METTL13: variants seen among roughly 807,000 people sequenced by gnomAD.
The protein encoded by METTL13 is eEF1A lysine and N-terminal methyltransferase.
METTL13 carries 52 observed loss-of-function variants against 67.4 expected under a neutral mutation model. That is an observed-to-expected ratio of 0.77 (90% CI 0.62 to 0.97). The LOEUF (loss-of-function observed/expected upper bound fraction) is 0.97, where lower values mean the gene tolerates loss of function less well. Among genes scored for constraint, METTL13 ranks in the 50% least tolerant of loss-of-function variants. The probability of loss-of-function intolerance (pLI) is 0.00; values close to 1 mark genes in which losing one functional copy is unlikely to be tolerated. For synonymous variants in METTL13, 354 were observed against 353.6 expected (o/e 1.00, Z -0.01); for missense variants, 825 against 889.6 (o/e 0.93, Z 0.92).
At position 171,786,122 on chromosome 1, in the gene METTL13, G is replaced by C. The variant is rs1254223275; in HGVS notation, c.1113+44G>C. The C allele has an allele frequency of 4.5e-6, 7 of 1,568,950 alleles. No homozygotes were observed. In the Admixed American group the frequency reaches 1.2e-4, roughly 28 times the overall value. ...GGCTTTCATGGGTCTCTGAAGTCAT[G>C]TTAGCAGCCAGGGAGGCAGAGGGAG... On this transcript the variant is annotated intron_variant, in intron 3 of 7. Transcript: ENST00000361735.
intron 4 of METTL13, among the ~76,000 whole-genome samples, chr1:171,790,229 C>T (rs1489410089): frequency 1.3e-5 from 2 of 152,168 alleles, no homozygotes; most frequent in African/African-American, 2.4e-5. Context: ...ATGGTGGCTC[C>T]GACATTGGGG....
In METTL13 at chr1:171,786,036, A is replaced by T; in HGVS notation, c.1071A>T (p.Arg357Ser). The T allele has an allele frequency of 6.2e-7, 1 of 1,613,942 alleles. No individual in the cohort carries two copies. The highest frequency in any genetic ancestry group is 8.5e-7 in the Non-Finnish European group (1 of 1,179,954). Reference protein sequence around the residue: ...MDHIQAELSARVMELAPAGMP... With the variant: ...MDHIQAELSASVMELAPAGMP... The stretch of plus-strand genomic sequence containing the variant: ...ACATCCAAGCTGAGCTGTCGGCTAG[A>T]GTCATGGAGCTGGCCCCAGCTGGGA... Residue 357 changes from arginine (R) to serine (S), a missense_variant, in exon 3 of 8, where the codon AGA becomes AGT. By Grantham distance (110) the Arg-to-Ser change is moderately radical. Transcript: ENST00000361735.
At chr1:171,793,227 A>G (rs1397329881) in intron 6 of METTL13, among the ~76,000 whole-genome samples, 3 of 152,222 alleles carry the variant, frequency 2.0e-5, no homozygotes, top group Non-Finnish European at 4.4e-5. Context: ...CTTAATTTTA[A>G]TTGCAAACTG....
rs1656983778 is a variant in METTL13 at position 171,785,661 on chromosome 1, A to G, written c.914-218A>G. Among the ~76,000 whole-genome samples, 5 of 152,120 alleles carry G rather than the reference A, an allele frequency of 3.3e-5. No homozygotes were observed. In the South Asian group the frequency reaches 8.3e-4, roughly 25 times the overall value. On this transcript the variant is annotated intron_variant, in intron 2 of 7. Transcript: ENST00000361735. ...AGGTGTCTGCCTCCTTCCCCTACGG[A>G]CATGCCCACACTTCTTCTCCACCCT...
rs760034235 is a variant in METTL13 at position 171,785,864 on chromosome 1, A to G, written c.914-15A>G. On this transcript the variant is annotated splice_polypyrimidine_tract_variant and intron_variant, in intron 2 of 7. Transcript: ENST00000361735. Reference sequence around the variant, plus strand: ...CACTTTCCAGGACTCCCTGTAACCAAGTTCTTTTTTCTAGTCCCTCAGGGC... The same window carrying G: ...CACTTTCCAGGACTCCCTGTAACCAGGTTCTTTTTTCTAGTCCCTCAGGGC... The G allele has an allele frequency of 6.2e-7, 1 of 1,611,170 alleles. No homozygotes were observed. Among genetic ancestry groups the G allele is most frequent in the African/African-American group, 1.3e-5 (1 of 74,830 alleles).
Position 171,796,518 on chromosome 1 carries a change from G to T in METTL13, c.1862G>T (p.Gly621Val). The change falls in exon 8 of 8, where the codon GGG becomes GTG. Residue 621 changes from glycine (G) to valine (V), a missense_variant. Coordinates refer to ENST00000361735, the MANE Select transcript of METTL13 (RefSeq NM_015935.5). The stretch of plus-strand genomic sequence containing the variant: ...CTCAACCTTGTGTGCCGAGACTTGG[G>T]GCTAAAAGACTCAGTGCTGGCTGGG... The part of the protein sequence containing the change: ...FILNLVCRDL[G>V]LKDSVLAGLK... 1 of 1,614,172 alleles carries T rather than the reference G, an allele frequency of 6.2e-7. No homozygotes were observed. The highest frequency in any genetic ancestry group is 8.5e-7 in the Non-Finnish European group (1 of 1,180,034).
At chr1:171,784,522 C>T in intron 2 of METTL13, 23 bp downstream of exon 2, 1 of 1,486,856 alleles carries the variant, frequency 6.7e-7, no homozygotes, top group Non-Finnish European at 8.9e-7. Context: ...TGCTCCCTCT[C>T]TTCCCTGGAG....
In METTL13 at chr1:171,796,726, A is replaced by G. The variant is rs1325505879; in HGVS notation, c.2070A>G (p.Ser690=). The G allele has an allele frequency of 6.2e-7, 1 of 1,614,190 alleles. No individual in the cohort carries two copies. Among genetic ancestry groups the G allele is most frequent in the Admixed American group, 1.7e-5 (1 of 60,034 alleles). ...GTTGGGATGACACGTATGTCTTGTC[A>G]GATATGCTCAAGACGGTGAAAATTG... The part of the protein sequence containing the change: ...GRGWDDTYVL[S]DMLKTVKIV Residue 690 remains serine, a synonymous_variant, in exon 8 of 8, where the codon TCA becomes TCG. Coordinates refer to ENST00000361735, the MANE Select transcript of METTL13 (RefSeq NM_015935.5).
In METTL13 at chr1:171,796,844, T is replaced by C; in HGVS notation, c.*88T>C. The C allele has an allele frequency of 7.4e-6, 11 of 1,495,840 alleles. No homozygotes were observed. The highest frequency in any genetic ancestry group is 9.9e-6 in the Non-Finnish European group (11 of 1,116,332). 92.7% of individuals were successfully genotyped at this position (1,495,840 alleles called of 1,614,324 possible). The stretch of plus-strand genomic sequence containing the variant: ...GAAGAAATACAACGCACAGTACTTT[T>C]GAAGCTTCGTATTTTTCTTGGTTTC... On this transcript the variant is annotated 3_prime_UTR_variant, in exon 8 of 8. Coordinates refer to ENST00000361735, the MANE Select transcript of METTL13 (RefSeq NM_015935.5).
At chr1:171,792,270 G>T (rs374797595) in intron 6 of METTL13, 35 bp downstream of exon 6, 1 of 1,610,068 alleles carries the variant, frequency 6.2e-7, no homozygotes, top group Non-Finnish European at 8.5e-7. Flanking sequence ...GGGTGTTGAG[G>T]GATGATTGAT....
At chr1:171,786,751 C>T (rs1173624261) in intron 3 of METTL13, among the ~76,000 whole-genome samples, 1 of 152,112 alleles carries the variant, frequency 6.6e-6, no homozygotes, top group East Asian at 1.9e-4. Flanking sequence ...GCCTCAGCCT[C>T]AACCTCCTGG....
chr1:171,793,815 T>C (rs1657280867), intron 6 of METTL13, among the ~76,000 whole-genome samples: 1 of 152,244 alleles, frequency 6.6e-6, no homozygotes, highest in Non-Finnish European at 1.5e-5. Flanking sequence ...TTTTCTCCTA[T>C]GAGGCAAAAT....
Position 171,796,979 on chromosome 1 carries a change from T to G in METTL13, c.*223T>G. On this transcript the variant is annotated 3_prime_UTR_variant, in exon 8 of 8. Coordinates refer to ENST00000361735, the MANE Select transcript of METTL13 (RefSeq NM_015935.5). ...TCAGTACCACTTGGGTTGGTTTGTC[T>G]TTGCTTCCTACACCACGTCCTTGAG... The G allele has an allele frequency of 1.8e-6, 1 of 554,356 alleles. No homozygotes were observed. Among genetic ancestry groups the G allele is most frequent in the East Asian group, 3.3e-5 (1 of 29,896 alleles). The allele number at this position is 554,356 out of a possible 1,614,324, so 34.3% of individuals were successfully genotyped here. A position where few individuals can be genotyped will look rare whatever the true frequency, so the allele number is the denominator to read the frequency against.
rs1657387797 is a variant in METTL13 at position 171,796,641 on chromosome 1, C to T, written c.1985C>T (p.Thr662Ile). ...CQLHPEQKLA[T>I]PELLETAQAL... is the part of the protein sequence containing the mutation. ...CTGCACCCTGAGCAAAAACTTGCCACACCAGAGCTCCTAGAAACAGCCCAG... is the reference window on the plus strand; with the variant it reads ...CTGCACCCTGAGCAAAAACTTGCCATACCAGAGCTCCTAGAAACAGCCCAG... Residue 662 changes from threonine to isoleucine, a missense_variant, in exon 8 of 8, where the codon ACA becomes ATA. By Grantham distance (89) the Thr-to-Ile change is moderately conservative (BLOSUM62 -1). Transcript: ENST00000361735. The T allele has an allele frequency of 6.2e-7, 1 of 1,614,188 alleles. No homozygotes were observed. Among genetic ancestry groups the T allele is most frequent in the South Asian group, 1.1e-5 (1 of 91,086 alleles).
rs1239643641 is a variant in METTL13, at chr1:171,792,192, A to G, written c.1650A>G (p.Ala550=). 2 of 1,614,120 alleles carry G rather than the reference A, an allele frequency of 1.2e-6. No individual in the cohort carries two copies. The highest frequency in any genetic ancestry group is 2.2e-5 in the East Asian group (1 of 44,900). Residue 550 remains alanine, a synonymous_variant, in exon 6 of 8, where the codon GCA becomes GCG. Transcript: ENST00000361735. ...GTGACCGAATGAAGGTCCACATTGC[A>G]GATGGCCTGGACTATATCGCCAGCT... ...SQSDRMKVHI[A]DGLDYIASLA...
intron 2 of METTL13, among the ~76,000 whole-genome samples, chr1:171,785,380 T>C (rs1656975653): frequency 6.6e-6 from 1 of 152,176 alleles, no homozygotes; most frequent in African/African-American, 2.4e-5. Context: ...AATAGTGCAG[T>C]GAATACAAGC....
intron 5 of METTL13, 128 bp from the exon 6 acceptor site, chr1:171,791,889 G>C: frequency 1.2e-6 from 1 of 846,868 alleles, no homozygotes; most frequent in South Asian, 1.7e-5. Context: ...ATGAGACAGG[G>C]AGACCTCTAA....
At position 171,796,831 on chromosome 1, in the gene METTL13, C is replaced by T. The variant is rs972106512; in HGVS notation, c.*75C>T. 2.7e-5 allele frequency: 41 copies of T among 1,528,860 alleles called. No individual in the cohort carries two copies. Among genetic ancestry groups the T allele is most frequent in the Admixed American group, 5.8e-5 (3 of 52,086 alleles). The allele number at this position is 1,528,860 out of a possible 1,614,324, so 94.7% of individuals were successfully genotyped here. A position where few individuals can be genotyped will look rare whatever the true frequency, so the allele number is the denominator to read the frequency against. On this transcript the variant is annotated 3_prime_UTR_variant, in exon 8 of 8. Coordinates refer to ENST00000361735, the MANE Select transcript of METTL13 (RefSeq NM_015935.5). ...CCTGCCAGAGAATGAAGAAATACAA[C>T]GCACAGTACTTTTGAAGCTTCGTAT...
At chr1:171,794,804 T>C (rs559541908) in intron 7 of METTL13, among the ~76,000 whole-genome samples, 1 of 152,132 alleles carries the variant, frequency 6.6e-6, no homozygotes, top group African/African-American at 2.4e-5. Context: ...AATGGAATCA[T>C]ATGGAATGTT....
Sources: allele counts gnomAD v4.1 joint callset (sites outside exome capture counted in the v4.1 genomes callset), GRCh38; gene constraint gnomAD v4.1.1; transcripts MANE v1.5; gene names NCBI Gene and HGNC (gene_info 2026-07-23, HGNC 2026-07-21).